Variants in CHD6 observed in about 807,000 individuals in gnomAD.
CHD6 encodes the protein ATP-dependent chromatin remodeler CHD6.
A neutral mutation model predicts 276.9 loss-of-function variants in CHD6; 50 were observed. That is an observed-to-expected ratio of 0.18 (90% CI 0.14 to 0.23). The LOEUF is 0.23. CHD6 is among the 10% of genes least tolerant of loss of function. The pLI is 1.00. For synonymous variants in CHD6, 1,173 were observed against 1,229.3 expected, an observed-to-expected ratio of 0.95 and a Z score of 0.96; for missense variants, 2,564 against 3,365.8, an observed-to-expected ratio of 0.76 and a Z score of 5.89.
chr20:41,451,035 T>C lies in CHD6; in HGVS notation c.3594A>G (p.Leu1198=), dbSNP rs2048222750. ...KTKNQLLIPE[L]KDADWLATCN... is the part of the protein sequence containing the mutation. Reference sequence around the variant, plus strand: ...AGGTGGCTAGCCAATCTGCATCCTTTAGCTCTGGGATTAGCAACTGGTTCT... The same window carrying C: ...AGGTGGCTAGCCAATCTGCATCCTTCAGCTCTGGGATTAGCAACTGGTTCT... Residue 1198 remains leucine, a synonymous_variant, in exon 23 of 37, where the codon CTA becomes CTG. Coordinates refer to ENST00000373233, the MANE Select transcript of CHD6 (RefSeq NM_032221.5). The C allele has an allele frequency of 2.5e-6, 4 of 1,614,014 alleles. No individual in the cohort carries two copies. Among genetic ancestry groups the C allele is most frequent in the Non-Finnish European group, 3.4e-6 (4 of 1,179,848 alleles).
intron 5 of CHD6, among the ~76,000 whole-genome samples, chr20:41,507,763 A>G (rs1368626886): frequency 1.3e-5 from 2 of 152,130 alleles, no homozygotes; most frequent in African/African-American, 4.8e-5. Context: ...TATGTCAGAG[A>G]TTTATATAAT....
At chr20:41,599,125 A>G (rs1473379015) in intron 1 of CHD6, among the ~76,000 whole-genome samples, 1 of 152,256 alleles carries the variant, frequency 6.6e-6, no homozygotes, top group Non-Finnish European at 1.5e-5. Flanking sequence ...TATAATCAAC[A>G]GCAGTTTGTC....
chr20:41,610,243 A>G (rs2045872468), intron 1 of CHD6, among the ~76,000 whole-genome samples: 1 of 152,112 alleles, frequency 6.6e-6, no homozygotes, highest in African/African-American at 2.4e-5. Flanking sequence ...AATATACTAC[A>G]ATCAATCTTA....
intron 12 of CHD6, 93 bp downstream of exon 12, chr20:41,489,685 G>A: frequency 2.0e-6 from 3 of 1,493,988 alleles, no homozygotes; most frequent in South Asian, 1.2e-5. Context: ...ATTAATACAA[G>A]ATGCAGGGCA....
chr20:41,437,003 C>T (rs542907622), intron 27 of CHD6, among the ~76,000 whole-genome samples: 34 of 152,138 alleles, frequency 2.2e-4, no homozygotes, highest in Middle Eastern at 6.8e-3. Context: ...GACGCCACTA[C>T]GAGGGGAAAC....
intron 27 of CHD6, among the ~76,000 whole-genome samples, chr20:41,430,760 C>A (rs1309377072): frequency 1.3e-5 from 2 of 151,422 alleles, no homozygotes; most frequent in East Asian, 3.9e-4. Flanking sequence ...ATGTTCATTT[C>A]TTTGGTACTT....
intron 5 of CHD6, among the ~76,000 whole-genome samples, chr20:41,510,019 TGAG>T (rs891183223): frequency 1.3e-5 from 2 of 152,152 alleles, no homozygotes; most frequent in African/African-American, 4.8e-5. Context: ...TTGAGCACAC[TGAG>T]AAGATACTGC....
intron 1 of CHD6, among the ~76,000 whole-genome samples, chr20:41,578,657 C>T (rs541083105): frequency 1.3e-5 from 2 of 148,744 alleles, no homozygotes; most frequent in African/African-American, 5.0e-5. Flanking sequence ...TCCACTACAG[C>T]CCGGGCAACA....
At chr20:41,447,251 C>T (rs1465040713) in intron 24 of CHD6, among the ~76,000 whole-genome samples, 1 of 152,196 alleles carries the variant, frequency 6.6e-6, no homozygotes, top group East Asian at 1.9e-4. Flanking sequence ...AATATCAGCA[C>T]TCTTGGTATT....
chr20:41,589,908 T>A (rs1442360090), intron 1 of CHD6, among the ~76,000 whole-genome samples: 1 of 152,140 alleles, frequency 6.6e-6, no homozygotes, highest in African/African-American at 2.4e-5. Flanking sequence ...CATTGCCAAG[T>A]CAATCCTAAG....
At chr20:41,598,235 A>G (rs959664675) in intron 1 of CHD6, among the ~76,000 whole-genome samples, 5 of 152,164 alleles carry the variant, frequency 3.3e-5, no homozygotes, top group African/African-American at 9.7e-5. Flanking sequence ...CAGACTCTAC[A>G]GGATTTTTCA....
chr20:41,571,863 CA>C (rs1399531374), intron 1 of CHD6, among the ~76,000 whole-genome samples: 2 of 152,192 alleles, frequency 1.3e-5, no homozygotes, highest in African/African-American at 4.8e-5. Flanking sequence ...AAACTGCACA[CA>C]GCTGTGTAAC....
intron 27 of CHD6, among the ~76,000 whole-genome samples, chr20:41,436,209 C>T (rs2047705194): frequency 6.6e-6 from 1 of 152,138 alleles, no homozygotes; most frequent in Non-Finnish European, 1.5e-5. Flanking sequence ...GAGACATAAA[C>T]ATTTCACTGA....
chr20:41,437,753 C>A (rs1296642013), intron 26 of CHD6, among the ~76,000 whole-genome samples: 6 of 152,174 alleles, frequency 3.9e-5, no homozygotes, highest in Non-Finnish European at 8.8e-5. Context: ...CCCTCTGGAT[C>A]TGAGAGTTCT....
At chr20:41,536,216 G>A (rs1169496550) in intron 2 of CHD6, among the ~76,000 whole-genome samples, 1 of 152,134 alleles carries the variant, frequency 6.6e-6, no homozygotes, top group African/African-American at 2.4e-5. Flanking sequence ...GGGCCACAAG[G>A]TGCCAAAAAT....
chr20:41,536,038 A>C (rs1228436755), intron 2 of CHD6, among the ~76,000 whole-genome samples: 1 of 151,404 alleles, frequency 6.6e-6, no homozygotes, highest in South Asian at 2.1e-4. Context: ...CTTTGAAAAC[A>C]TATTTGCTGA....
rs555600199 is a variant in CHD6, at chr20:41,561,248, T to C, written c.-23-9888A>G. Among the ~76,000 whole-genome samples, 418 of 152,324 alleles carry C rather than the reference T, an allele frequency of 2.7e-3. 1 individual carries two copies. The highest frequency in any genetic ancestry group is 9.5e-3 in the African/African-American group (396 of 41,568). ...TGTTATCTTCCCAATATAGTTATTA[T>C]CACCCTTATTTATTAAATCAACATT... On this transcript the variant is annotated intron_variant, in intron 1 of 36. Coordinates refer to ENST00000373233, the MANE Select transcript of CHD6 (RefSeq NM_032221.5).
chr20:41,609,659 G>C (rs1162154331), intron 1 of CHD6, among the ~76,000 whole-genome samples: 2 of 152,010 alleles, frequency 1.3e-5, no homozygotes, highest in Non-Finnish European at 2.9e-5. Flanking sequence ...AAACCACATA[G>C]GACACCCGTT....
intron 4 of CHD6, 146 bp from the exon 5 acceptor site, chr20:41,513,141 A>G: frequency 1.1e-6 from 1 of 881,320 alleles, no homozygotes; most frequent in Non-Finnish European, 1.8e-6. Flanking sequence ...AACTCTTTTA[A>G]TAAAAGGACT....
Sources: gnomAD v4.1 joint callset for allele counts (sites outside exome capture counted in the v4.1 genomes callset) on GRCh38, gnomAD v4.1.1 for gene constraint, MANE v1.5 for transcripts, NCBI Gene and HGNC (gene_info 2026-07-23, HGNC 2026-07-21) for gene names.